Variants in GRIK2 observed in about 807,000 individuals in gnomAD.
GRIK2 encodes glutamate ionotropic receptor kainate type subunit 2, also known as glutamate receptor ionotropic, kainate 2.
A neutral mutation model predicts 100.3 loss-of-function variants in GRIK2; 32 were observed. The observed-to-expected ratio is 0.32, with a 90% CI of 0.24 to 0.43. GRIK2 has a LOEUF of 0.43. Among genes scored for constraint, GRIK2 ranks in the 20% least tolerant of loss-of-function variants. GRIK2 has a pLI of 1.00. For synonymous variants in GRIK2, 417 were observed against 389.4 expected, an observed-to-expected ratio of 1.07 and a Z score of -0.83; for missense variants, 843 against 1,114.9, an observed-to-expected ratio of 0.76 and a Z score of 3.47.
rs1781669773 is a variant in GRIK2, at chr6:101,649,169, G to T, written c.541+22532G>T. Among the ~76,000 whole-genome samples, 4 of 152,030 alleles carry T rather than the reference G, an allele frequency of 2.6e-5. No individual in the cohort carries two copies. The South Asian group carries it at 8.3e-4, about 31-fold the overall frequency. On this transcript the variant is annotated intron_variant, in intron 4 of 16. Transcript: ENST00000369134. ...TCTCCGGAAGCTTCCTTCTAACTGT[G>T]CTCTCTCCTCTCTTCCTTTCAAGAA...
intron 7 of GRIK2, among the ~76,000 whole-genome samples, chr6:101,755,466 C>A (rs1440114165): frequency 1.3e-5 from 2 of 152,042 alleles, no homozygotes; most frequent in African/African-American, 2.4e-5. Flanking sequence ...CGTGCCCGGC[C>A]GCATAAATCA....
chr6:102,050,004 C>A (rs892819862), intron 15 of GRIK2, among the ~76,000 whole-genome samples: 2 of 151,946 alleles, frequency 1.3e-5, no homozygotes, highest in Non-Finnish European at 2.9e-5. Flanking sequence ...ATGAATAAGC[C>A]TCCCTCAGAA....
At chr6:101,417,657 T>C (rs1776217499) in intron 2 of GRIK2, among the ~76,000 whole-genome samples, 1 of 152,224 alleles carries the variant, frequency 6.6e-6, no homozygotes, top group Non-Finnish European at 1.5e-5. Flanking sequence ...TACTTAAATA[T>C]TGCCGTATGT....
chr6:101,704,973 T>TCTATATTATATATTTATATA, intron 7 of GRIK2, among the ~76,000 whole-genome samples: 4 of 145,320 alleles, frequency 2.8e-5, no homozygotes, highest in African/African-American at 1.0e-4. Flanking sequence ...TTCATATATA[T>TCTATATTATATATTTATATA]TTATATTATA....
chr6:101,431,628 T>C (rs563988861), intron 2 of GRIK2: 1 of 152,320 alleles, frequency 6.6e-6, no homozygotes, highest in African/African-American at 2.4e-5. Context: ...TCTGTATGTA[T>C]AGAAGAGAAT....
Position 101,621,170 on chromosome 6 carries a change from A to G in GRIK2, c.116-779A>G, listed in dbSNP as rs368341749. Among the ~76,000 whole-genome samples, 303 of 152,286 alleles carry G rather than the reference A, an allele frequency of 2.0e-3. 9 individuals are homozygous for G. In the South Asian group the frequency reaches 0.06, roughly 30 times the overall value. Reference sequence around the variant, plus strand: ...GCAAATAATTTGGGCTTTTAACACAATAAATGCACGGTGGCTCACTCCTGT... The same window carrying G: ...GCAAATAATTTGGGCTTTTAACACAGTAAATGCACGGTGGCTCACTCCTGT... On this transcript the variant is annotated intron_variant, in intron 2 of 16. Transcript: ENST00000369134.
At chr6:101,740,009 C>G (rs1775919384) in intron 7 of GRIK2, among the ~76,000 whole-genome samples, 1 of 152,102 alleles carries the variant, frequency 6.6e-6, no homozygotes, top group Admixed American at 6.5e-5. Context: ...ACAGATTTAT[C>G]CCCTGCCCTC....
At chr6:101,759,670 A>C (rs1001657342) in intron 7 of GRIK2, among the ~76,000 whole-genome samples, 14 of 152,084 alleles carry the variant, frequency 9.2e-5, no homozygotes, top group African/African-American at 3.4e-4. Flanking sequence ...GTTGTGTATT[A>C]ACCAGCCAAC....
At chr6:101,550,795 T>A (rs1776475936) in intron 2 of GRIK2, among the ~76,000 whole-genome samples, 1 of 152,206 alleles carries the variant, frequency 6.6e-6, no homozygotes, top group African/African-American at 2.4e-5. Flanking sequence ...TTTTCCTTTA[T>A]AAGCATTTAT....
intron 7 of GRIK2, among the ~76,000 whole-genome samples, chr6:101,743,948 CTT>C (rs934084238): frequency 6.6e-6 from 1 of 151,732 alleles, no homozygotes; most frequent in Non-Finnish European, 1.5e-5. Flanking sequence ...AATATGTAGT[CTT>C]TTTTTATTTT....
intron 7 of GRIK2, among the ~76,000 whole-genome samples, 173 bp from the exon 8 acceptor site, chr6:101,799,475 T>C (rs1780538338): frequency 6.6e-6 from 1 of 152,130 alleles, no homozygotes; most frequent in African/African-American, 2.4e-5. Context: ...AATTTGATCA[T>C]AATGTCTTGT....
At chr6:101,913,607 G>A (rs550092792) in intron 12 of GRIK2, among the ~76,000 whole-genome samples, 162 of 151,576 alleles carry the variant, frequency 1.1e-3, no homozygotes, top group African/African-American at 3.6e-3. Context: ...ATTTTAGGTG[G>A]AGGAGGCTAA....
intron 12 of GRIK2, among the ~76,000 whole-genome samples, chr6:101,914,011 T>G (rs1369498257): frequency 6.6e-6 from 1 of 151,274 alleles, no homozygotes; most frequent in Admixed American, 6.6e-5. Context: ...TAGTCATAAA[T>G]AGAAAAGACA....
At chr6:101,648,093 T>G (rs1323359968) in intron 4 of GRIK2, among the ~76,000 whole-genome samples, 1 of 152,080 alleles carries the variant, frequency 6.6e-6, no homozygotes, top group Non-Finnish European at 1.5e-5. Flanking sequence ...GATGGATCAC[T>G]GGCTTCATTT....
chr6:102,005,936 A>C (rs1406876978), intron 14 of GRIK2, among the ~76,000 whole-genome samples: 1 of 152,042 alleles, frequency 6.6e-6, no homozygotes, highest in Non-Finnish European at 1.5e-5. Flanking sequence ...TCTCTTCTGC[A>C]TGCACACGTG....
intron 2 of GRIK2, among the ~76,000 whole-genome samples, chr6:101,610,621 C>A (rs1397292527): frequency 6.6e-6 from 1 of 151,756 alleles, no homozygotes. Context: ...CTGTGCAGTT[C>A]TTAAGGCAGT....
intron 2 of GRIK2, among the ~76,000 whole-genome samples, chr6:101,557,589 C>T (rs1240869500): frequency 1.3e-5 from 2 of 151,876 alleles, no homozygotes; most frequent in African/African-American, 4.8e-5. Flanking sequence ...TTTTCTTGTC[C>T]ATCCCATTTT....
intron 7 of GRIK2, among the ~76,000 whole-genome samples, chr6:101,767,854 ATTTTTAT>A (rs1007987542): frequency 7.0e-6 from 1 of 143,132 alleles, no homozygotes; most frequent in African/African-American, 2.9e-5. Flanking sequence ...TAATTATTTT[ATTTTTAT>A]TTTTATTTTT....
At chr6:101,736,651 G>A (rs542464156) in intron 7 of GRIK2, among the ~76,000 whole-genome samples, 71 of 152,222 alleles carry the variant, frequency 4.7e-4, no homozygotes, top group African/African-American at 1.6e-3. Context: ...CCCTGGGCCC[G>A]GCCCACAAAA....
Sources: gnomAD v4.1 joint callset for allele counts (sites outside exome capture counted in the v4.1 genomes callset) on GRCh38, gnomAD v4.1.1 for gene constraint, MANE v1.5 for transcripts, NCBI Gene and HGNC (gene_info 2026-07-23, HGNC 2026-07-21) for gene names.